The following PTPRK variants were observed in gnomAD, a reference collection of about 807,000 sequenced individuals.
PTPRK encodes the protein protein tyrosine phosphatase receptor type K.
In PTPRK, 75 loss-of-function variants were observed where a neutral mutation model predicts 178.0. The observed-to-expected ratio is 0.42, with a 90% CI of 0.35 to 0.51. The LOEUF (loss-of-function observed/expected upper bound fraction) is 0.51. Ranked by LOEUF, PTPRK falls within the 20% of genes least tolerant of loss-of-function variation. The probability of loss-of-function intolerance (pLI) is 0.02; values close to 1 mark genes in which losing one functional copy is unlikely to be tolerated. For synonymous variants in PTPRK, 637 were observed against 620.6 expected, an observed-to-expected ratio of 1.03 and a Z score of -0.39; for missense variants, 1,441 against 1,797.8, an observed-to-expected ratio of 0.80 and a Z score of 3.59.
At chr6:128,366,735 C>G (rs990280911) in intron 2 of PTPRK, among the ~76,000 whole-genome samples, 25 of 152,082 alleles carry the variant, frequency 1.6e-4, no homozygotes, top group Admixed American at 1.1e-3. Flanking sequence ...GGAGGCATGT[C>G]AAGTGTGCAT....
intron 6 of PTPRK, among the ~76,000 whole-genome samples, chr6:128,189,475 G>A (rs1450310314): frequency 6.6e-6 from 1 of 151,736 alleles, no homozygotes; most frequent in Non-Finnish European, 1.5e-5. Flanking sequence ...TCCTGACCTT[G>A]TGATCCTCCC....
chr6:128,457,446 A>G lies in PTPRK; in HGVS notation c.101-59758T>C, dbSNP rs909604185. Among the ~76,000 whole-genome samples the G allele has an allele frequency of 2.0e-5, 3 of 152,172 alleles. No individual in the cohort carries two copies. The South Asian group carries it at 6.2e-4, about 32-fold the overall frequency. ...TATTGAGTAAGTTGAAGAGACAGAC[A>G]GACTTAGTCCATCAACTGCTTTCTC... On this transcript the variant is annotated intron_variant, in intron 1 of 29. Transcript: ENST00000368226.
intron 12 of PTPRK, 57 bp downstream of exon 12, chr6:128,067,447 CTGAGTATTCATAAAA>C (rs993448681): frequency 7.2e-7 from 1 of 1,381,950 alleles, no homozygotes; most frequent in Non-Finnish European, 9.7e-7. Context: ...ACGGATGCTA[CTGAGTATTCATAAAA>C]TTTGACTTCA....
intron 3 of PTPRK, 34 bp downstream of exon 3, chr6:128,322,005 T>C (rs1562280846): frequency 6.2e-7 from 1 of 1,613,264 alleles, no homozygotes; most frequent in East Asian, 2.2e-5. Flanking sequence ...ACTGATGACA[T>C]CAAAACATAC....
chr6:128,317,410 C>T (rs1828153211), intron 3 of PTPRK, among the ~76,000 whole-genome samples: 1 of 151,854 alleles, frequency 6.6e-6, no homozygotes, highest in African/African-American at 2.4e-5. Flanking sequence ...TGTCTTATAG[C>T]CCTGTTTAAG....
At chr6:128,079,588 G>A (rs919768870) in intron 10 of PTPRK, among the ~76,000 whole-genome samples, 2 of 151,980 alleles carry the variant, frequency 1.3e-5, no homozygotes, top group Non-Finnish European at 2.9e-5. Flanking sequence ...ACCTCAAATA[G>A]CTTTGGATGA....
At chr6:128,408,371 G>C (rs989460546) in intron 1 of PTPRK, among the ~76,000 whole-genome samples, 1 of 152,136 alleles carries the variant, frequency 6.6e-6, no homozygotes, top group Admixed American at 6.5e-5. Context: ...CTGAGCGACA[G>C]AGCAAGACTC....
At chr6:128,409,595 A>G (rs1236162854) in intron 1 of PTPRK, among the ~76,000 whole-genome samples, 2 of 152,232 alleles carry the variant, frequency 1.3e-5, no homozygotes, top group Non-Finnish European at 2.9e-5. Context: ...AGCATTTTCA[A>G]TTAGTGGTCT....
intron 2 of PTPRK, among the ~76,000 whole-genome samples, chr6:128,341,033 C>T (rs1408720520): frequency 6.6e-6 from 1 of 152,132 alleles, no homozygotes; most frequent in Non-Finnish European, 1.5e-5. Flanking sequence ...AAATCAGGAA[C>T]TGCACAATAT....
chr6:127,981,888 C>T (rs902408857), intron 24 of PTPRK, among the ~76,000 whole-genome samples: 2 of 151,490 alleles, frequency 1.3e-5, no homozygotes, highest in African/African-American at 2.4e-5. Flanking sequence ...AGTGCAGTGG[C>T]AATATCTTGG....
intron 7 of PTPRK, among the ~76,000 whole-genome samples, chr6:128,111,644 A>G (rs1198365632): frequency 6.6e-6 from 1 of 152,098 alleles, no homozygotes; most frequent in Non-Finnish European, 1.5e-5. Context: ...ACCTCCCTCC[A>G]TGAGAGTCAC....
intron 7 of PTPRK, among the ~76,000 whole-genome samples, chr6:128,172,647 G>A (rs1280097384): frequency 6.6e-6 from 1 of 150,578 alleles, no homozygotes; most frequent in African/African-American, 2.5e-5. Flanking sequence ...TATATATAAT[G>A]TGTATATATA....
chr6:128,476,843 A>T (rs1244656004), intron 1 of PTPRK, among the ~76,000 whole-genome samples: 1 of 151,916 alleles, frequency 6.6e-6, no homozygotes, highest in Non-Finnish European at 1.5e-5. Context: ...GGTCTAGATG[A>T]TGACAAATTT....
intron 2 of PTPRK, among the ~76,000 whole-genome samples, chr6:128,383,426 T>G (rs1838234000): frequency 6.6e-6 from 1 of 152,190 alleles, no homozygotes; most frequent in African/African-American, 2.4e-5. Flanking sequence ...TCCTATTCAT[T>G]CATCTACGTT....
chr6:128,211,776 G>C (rs950273165), intron 6 of PTPRK, among the ~76,000 whole-genome samples: 17 of 152,084 alleles, frequency 1.1e-4, no homozygotes, highest in African/African-American at 4.1e-4. Flanking sequence ...TAGTGGTAGA[G>C]AACCCTGCTA....
At chr6:128,017,135 A>G (rs555221788) in intron 13 of PTPRK, among the ~76,000 whole-genome samples, 1 of 152,164 alleles carries the variant, frequency 6.6e-6, no homozygotes, top group South Asian at 2.1e-4. Context: ...CAAATCTGCT[A>G]CTAAGTCCAT....
At chr6:128,186,615 T>A (rs1185472430) in intron 6 of PTPRK, among the ~76,000 whole-genome samples, 1 of 152,064 alleles carries the variant, frequency 6.6e-6, no homozygotes, top group Non-Finnish European at 1.5e-5. Context: ...AACGGAGAAG[T>A]TATTCACAAA....
chr6:128,054,492 T>C (rs1779575125), intron 13 of PTPRK, among the ~76,000 whole-genome samples: 1 of 152,208 alleles, frequency 6.6e-6, no homozygotes, highest in Non-Finnish European at 1.5e-5. Context: ...AATTCCATTT[T>C]ATATACAGTA....
intron 7 of PTPRK, among the ~76,000 whole-genome samples, chr6:128,135,896 A>T (rs924622661): frequency 1.3e-5 from 2 of 152,204 alleles, no homozygotes; most frequent in African/African-American, 4.8e-5. Flanking sequence ...TAGAGTTTTA[A>T]GAAGTCGTCA....
Sources: allele counts gnomAD v4.1 joint callset (sites outside exome capture counted in the v4.1 genomes callset), GRCh38; gene constraint gnomAD v4.1.1; transcripts MANE v1.5; gene names NCBI Gene and HGNC (gene_info 2026-07-23, HGNC 2026-07-21).